Variants in CPVL observed in about 807,000 individuals in gnomAD.
CPVL encodes probable serine carboxypeptidase CPVL.
In CPVL, 51 loss-of-function variants were observed where a neutral mutation model predicts 63.7. The observed-to-expected ratio is 0.80, with a 90% CI of 0.64 to 1.01. The LOEUF (loss-of-function observed/expected upper bound fraction) is 1.01, where lower values mean the gene tolerates loss of function less well. Among genes scored for constraint, CPVL ranks in the 50% least tolerant of loss-of-function variants. The pLI is 0.00. For missense variants in CPVL, 530 were observed against 573.1 expected, an observed-to-expected ratio of 0.92 and a Z score of 0.77; for synonymous variants, 195 against 206.0, an observed-to-expected ratio of 0.95 and a Z score of 0.46.
chr7:29,194,883 C>T, intron 1 of CPVL: 8 of 1,383,440 alleles, frequency 5.8e-6, no homozygotes, highest in Non-Finnish European at 7.5e-6. Flanking sequence ...CGGGCGAGGG[C>T]AGCGGCGGCG....
chr7:29,045,064 T>C (rs1789483289), intron 11 of CPVL, among the ~76,000 whole-genome samples: 1 of 152,144 alleles, frequency 6.6e-6, no homozygotes, highest in African/African-American at 2.4e-5. Context: ...AACCATCTCA[T>C]GGGGAAGAAT....
intron 1 of CPVL, among the ~76,000 whole-genome samples, chr7:29,127,804 C>T (rs904935818): frequency 2.0e-5 from 3 of 152,082 alleles, no homozygotes; most frequent in African/African-American, 7.2e-5. Flanking sequence ...AAATAGGCCT[C>T]GCTGAGTTCC....
At chr7:29,026,629 A>G (rs58464240) in intron 12 of CPVL, among the ~76,000 whole-genome samples, 216 of 152,246 alleles carry the variant, frequency 1.4e-3, no homozygotes, top group African/African-American at 5.0e-3. Flanking sequence ...AGAAAACCCA[A>G]ATAAATAAAA....
intron 1 of CPVL, chr7:29,124,952 T>C (rs1245448685): frequency 6.6e-6 from 1 of 152,160 alleles, no homozygotes; most frequent in Non-Finnish European, 1.5e-5. Context: ...AGGAATAAGG[T>C]TCTATTTGTA....
Position 29,138,453 on chromosome 7 carries a change from TAAG to T in CPVL, c.-11+7973_-11+7975del, listed in dbSNP as rs756896228. Among the ~76,000 whole-genome samples, 247 of 151,870 alleles carry T rather than the reference TAAG, an allele frequency of 1.6e-3. 1 individual carries two copies. Among genetic ancestry groups the T allele is most frequent in the Admixed American group, 0.012 (182 of 15,254 alleles). ...AGACTACGTCTCCAAATAATAATAA[TAAG>T]AAGAAGAAGAAGAAAGTAAAACTGG... On this transcript the variant is annotated intron_variant, in intron 1 of 12. Coordinates refer to ENST00000265394, the MANE Select transcript of CPVL (RefSeq NM_031311.5).
intron 5 of CPVL, among the ~76,000 whole-genome samples, chr7:29,176,419 G>T (rs1797352213): frequency 1.3e-5 from 2 of 152,108 alleles, no homozygotes; most frequent in South Asian, 4.1e-4. Flanking sequence ...CTTCTTATTG[G>T]CAGGAAAACA....
chr7:29,111,920 C>T (rs1040248935), intron 3 of CPVL, among the ~76,000 whole-genome samples: 1 of 152,202 alleles, frequency 6.6e-6, no homozygotes, highest in African/African-American at 2.4e-5. Context: ...AGGATGAAAA[C>T]AGAAAATTAC....
At chr7:29,061,766 G>A (rs540025140) in intron 11 of CPVL, among the ~76,000 whole-genome samples, 3 of 152,148 alleles carry the variant, frequency 2.0e-5, no homozygotes, top group Non-Finnish European at 4.4e-5. Flanking sequence ...GACCAACACG[G>A]AGAAAACTCA....
chr7:29,036,212 T>C (rs1433006826), intron 11 of CPVL, among the ~76,000 whole-genome samples: 1 of 152,230 alleles, frequency 6.6e-6, no homozygotes, highest in Non-Finnish European at 1.5e-5. Flanking sequence ...CGTAGACATG[T>C]GGGTGAACTT....
chr7:29,084,947 G>A (rs2128594970), intron 7 of CPVL, among the ~76,000 whole-genome samples: 1 of 152,300 alleles, frequency 6.6e-6, no homozygotes, highest in Admixed American at 6.5e-5. Flanking sequence ...ACACACTGAT[G>A]CCATTAGGAA....
chr7:29,090,115 G>A (rs1027650519), intron 6 of CPVL, among the ~76,000 whole-genome samples: 4 of 152,140 alleles, frequency 2.6e-5, no homozygotes, highest in South Asian at 2.1e-4. Context: ...TGCCTGCCTC[G>A]GCCTCCCAAA....
At chr7:29,177,262 G>A (rs1296529384) in intron 5 of CPVL, among the ~76,000 whole-genome samples, 1 of 149,936 alleles carries the variant, frequency 6.7e-6, no homozygotes, top group African/African-American at 2.5e-5. Flanking sequence ...GTTTTGTTTT[G>A]TTTTGTTTTG....
At chr7:29,143,504 T>C (rs553804486) in intron 1 of CPVL, among the ~76,000 whole-genome samples, 103 of 152,286 alleles carry the variant, frequency 6.8e-4, no homozygotes, top group Non-Finnish European at 1.3e-3. Flanking sequence ...AATGAATCGC[T>C]TGGGACCTGG....
chr7:29,039,215 A>G (rs1371482068), intron 11 of CPVL, among the ~76,000 whole-genome samples: 1 of 152,252 alleles, frequency 6.6e-6, no homozygotes, highest in Non-Finnish European at 1.5e-5. Flanking sequence ...CTAGATGCAC[A>G]TAAATCAGCA....
At chr7:29,121,261 G>A (rs1789344107) in intron 1 of CPVL, among the ~76,000 whole-genome samples, 190 bp from the exon 2 acceptor site, 1 of 151,966 alleles carries the variant, frequency 6.6e-6, no homozygotes, top group Non-Finnish European at 1.5e-5. Context: ...AGGCTAATGG[G>A]AGACTCTTCA....
At chr7:29,171,530 C>A (rs1030797538) in intron 5 of CPVL, among the ~76,000 whole-genome samples, 2 of 152,150 alleles carry the variant, frequency 1.3e-5, no homozygotes, top group Non-Finnish European at 2.9e-5. Flanking sequence ...CCCGAGCTTT[C>A]TTTGAAGGGC....
At chr7:29,166,480 T>C (rs1272896480) in intron 5 of CPVL, among the ~76,000 whole-genome samples, 1 of 152,184 alleles carries the variant, frequency 6.6e-6, no homozygotes, top group Non-Finnish European at 1.5e-5. Flanking sequence ...TTCGTTTGTT[T>C]GTTTTATGGG....
rs899180147 is a variant in CPVL, at chr7:29,164,793, A to C, written c.-11+16497T>G. On this transcript the variant is annotated intron_variant, in intron 5 of 16. Coordinates refer to the CPVL transcript ENST00000409850. The stretch of plus-strand genomic sequence containing the variant: ...AAGACCTGTCTCAAAAAAAAAAAAA[A>C]AAAAAAAACAAAGATTATTATTTCT... Among the ~76,000 whole-genome samples, 33 of 151,770 alleles carry C rather than the reference A, an allele frequency of 2.2e-4. 1 individual carries two copies. The highest frequency in any genetic ancestry group is 1.6e-4 in the Non-Finnish European group (11 of 67,878).
chr7:29,016,888 C>T (rs554832233), intron 12 of CPVL, among the ~76,000 whole-genome samples: 2 of 152,278 alleles, frequency 1.3e-5, no homozygotes, highest in Non-Finnish European at 2.9e-5. Flanking sequence ...AGAAGGTGGA[C>T]GTATTAAATA....
Sources: allele counts gnomAD v4.1 joint callset (sites outside exome capture counted in the v4.1 genomes callset), GRCh38; gene constraint gnomAD v4.1.1; transcripts MANE v1.5; gene names NCBI Gene and HGNC (gene_info 2026-07-23, HGNC 2026-07-21).